The following HORMAD2 variants were observed in gnomAD, a reference collection of about 807,000 sequenced individuals.
HORMAD2 encodes HORMA domain-containing protein 2.
Under a neutral mutation model 38.8 loss-of-function variants are expected in HORMAD2, and 45 were observed. That is an observed-to-expected ratio of 1.16 (90% confidence interval 0.91 to 1.49). HORMAD2 has a LOEUF of 1.49. Ranked by LOEUF, HORMAD2 falls within the 40% of genes most tolerant of loss-of-function variation. The pLI is 0.00. For missense variants in HORMAD2, 338 were observed against 367.0 expected (o/e 0.92, Z 0.65); for synonymous variants, 126 against 122.8 (o/e 1.03, Z -0.17).
At chr22:30,133,145 A>G (rs1224916659) in intron 10 of HORMAD2, among the ~76,000 whole-genome samples, 1 of 152,144 alleles carries the variant, frequency 6.6e-6, no homozygotes, top group Non-Finnish European at 1.5e-5. Flanking sequence ...GCACATTGGA[A>G]AAAAGTATAA....
chr22:30,207,333 C>A, the HORMAD2 span, among the ~76,000 whole-genome samples: 1 of 152,118 alleles, frequency 6.6e-6, no homozygotes, highest in Non-Finnish European at 1.5e-5. Flanking sequence ...ACACTCCGTG[C>A]CCTGGGCTCC....
At chr22:30,132,552 A>C (rs1051809075) in intron 10 of HORMAD2, among the ~76,000 whole-genome samples, 1 of 151,742 alleles carries the variant, frequency 6.6e-6, no homozygotes, top group Non-Finnish European at 1.5e-5. Flanking sequence ...AAAAAAAAAA[A>C]CAAAACCAAA....
chr22:30,191,967 T>C, the HORMAD2 span, among the ~76,000 whole-genome samples: 1,804 of 152,362 alleles, frequency 0.012, 170 homozygotes, highest in East Asian at 0.26. Flanking sequence ...TGGGACTTTA[T>C]AATTTTTTAC....
intron 10 of HORMAD2, among the ~76,000 whole-genome samples, chr22:30,138,446 G>A (rs1601561979): frequency 6.6e-6 from 1 of 152,018 alleles, no homozygotes; most frequent in South Asian, 2.1e-4. Flanking sequence ...AGAATTACAG[G>A]TATGAGCCTC....
intron 1 of HORMAD2, among the ~76,000 whole-genome samples, chr22:30,085,559 G>C (rs1252599112): frequency 6.6e-6 from 1 of 152,104 alleles, no homozygotes; most frequent in Non-Finnish European, 1.5e-5. Context: ...TTCTAGACCA[G>C]CCTGGCCAAC....
chr22:30,091,646 A>C (rs1441545016), intron 1 of HORMAD2, among the ~76,000 whole-genome samples: 2 of 152,134 alleles, frequency 1.3e-5, no homozygotes, highest in Non-Finnish European at 2.9e-5. Context: ...TGCTGCAATA[A>C]ACATGGAGGT....
the HORMAD2 span, among the ~76,000 whole-genome samples, chr22:30,191,786 TAGC>T: frequency 1.3e-5 from 2 of 152,242 alleles, no homozygotes; most frequent in Non-Finnish European, 2.9e-5. Flanking sequence ...ATTTTGCTTG[TAGC>T]TCTGAATTTT....
intron 10 of HORMAD2, among the ~76,000 whole-genome samples, chr22:30,153,013 C>T (rs887389921): frequency 2.0e-5 from 3 of 152,116 alleles, no homozygotes; most frequent in Non-Finnish European, 2.9e-5. Context: ...CCAGTATGCT[C>T]GTCTTTTTAT....
At chr22:30,161,082 C>T (rs1925412876) in intron 10 of HORMAD2, among the ~76,000 whole-genome samples, 1 of 152,182 alleles carries the variant, frequency 6.6e-6, no homozygotes, top group South Asian at 2.1e-4. Context: ...TGTGGAGGAA[C>T]TTTACTGGGG....
At chr22:30,160,785 C>A (rs1364784835) in intron 10 of HORMAD2, among the ~76,000 whole-genome samples, 2 of 152,086 alleles carry the variant, frequency 1.3e-5, no homozygotes, top group African/African-American at 4.8e-5. Flanking sequence ...CTGTTAATTA[C>A]AACAAAGTGT....
At chr22:30,150,551 T>G (rs1419715725) in intron 10 of HORMAD2, among the ~76,000 whole-genome samples, 1 of 152,208 alleles carries the variant, frequency 6.6e-6, no homozygotes, top group Non-Finnish European at 1.5e-5. Flanking sequence ...TGGCAGACCT[T>G]GGTTGTCTGC....
intron 3 of HORMAD2, 47 bp downstream of exon 3, chr22:30,099,040 C>A: frequency 6.5e-7 from 1 of 1,533,280 alleles, no homozygotes; most frequent in East Asian, 2.3e-5. Flanking sequence ...GCCCCTTTCT[C>A]TATTTAGCAG....
chr22:30,173,539 G>A (rs1926247402), intron 10 of HORMAD2, among the ~76,000 whole-genome samples: 1 of 152,216 alleles, frequency 6.6e-6, no homozygotes, highest in Non-Finnish European at 1.5e-5. Context: ...TTGGGTGAGT[G>A]AGAACGAAGA....
At chr22:30,160,835 G>GGTAT (rs1925399027) in intron 10 of HORMAD2, among the ~76,000 whole-genome samples, 1 of 152,026 alleles carries the variant, frequency 6.6e-6, no homozygotes, top group Non-Finnish European at 1.5e-5. Context: ...GAAGAGGAGA[G>GGTAT]GTATGATTAT....
At chr22:30,150,548 C>G (rs925297454) in intron 10 of HORMAD2, among the ~76,000 whole-genome samples, 3 of 152,184 alleles carry the variant, frequency 2.0e-5, no homozygotes, top group African/African-American at 4.8e-5. Flanking sequence ...GACTGGCAGA[C>G]CTTGGTTGTC....
chr22:30,183,506 G>C, the HORMAD2 span, among the ~76,000 whole-genome samples: 1 of 152,196 alleles, frequency 6.6e-6, no homozygotes, highest in Non-Finnish European at 1.5e-5. Context: ...CTCCAGGCCA[G>C]ACACTCCATT....
chr22:30,168,231 C>A (rs1925900601), intron 10 of HORMAD2, among the ~76,000 whole-genome samples: 1 of 152,164 alleles, frequency 6.6e-6, no homozygotes, highest in Admixed American at 6.5e-5. Flanking sequence ...AAGCAGATGA[C>A]CTAAACTCTA....
intron 5 of HORMAD2, among the ~76,000 whole-genome samples, chr22:30,107,219 T>C (rs1389595624): frequency 6.6e-6 from 1 of 152,218 alleles, no homozygotes; most frequent in Non-Finnish European, 1.5e-5. Context: ...GTATTACATG[T>C]ACTAAAATAG....
At chr22:30,168,970 TC>T (rs1191290025) in intron 10 of HORMAD2, among the ~76,000 whole-genome samples, 2 of 152,048 alleles carry the variant, frequency 1.3e-5, no homozygotes, top group Non-Finnish European at 2.9e-5. Flanking sequence ...AGCCCACCAC[TC>T]CCACACCCTT....
Sources: gnomAD v4.1 joint callset for allele counts (sites outside exome capture counted in the v4.1 genomes callset) on GRCh38, gnomAD v4.1.1 for gene constraint, MANE v1.5 for transcripts, NCBI Gene and HGNC (gene_info 2026-07-23, HGNC 2026-07-21) for gene names.